The following MKLN1 variants were observed in gnomAD, a reference collection of about 807,000 sequenced individuals.
MKLN1 encodes the protein muskelin.
A neutral mutation model predicts 99.0 loss-of-function variants in MKLN1; 18 were observed. That is an observed-to-expected ratio of 0.18 (90% CI 0.13 to 0.27). MKLN1 has a LOEUF of 0.27. MKLN1 is among the 10% of genes least tolerant of loss of function. The pLI, the probability that MKLN1 is intolerant of heterozygous loss-of-function variation, is 1.00. For synonymous variants in MKLN1, 288 were observed against 293.2 expected, an observed-to-expected ratio of 0.98 and a Z score of 0.18; for missense variants, 621 against 875.9, an observed-to-expected ratio of 0.71 and a Z score of 3.67.
chr7:131,461,402 A>AT (rs1796511481), intron 12 of MKLN1, among the ~76,000 whole-genome samples: 1 of 151,972 alleles, frequency 6.6e-6, no homozygotes, highest in African/African-American at 2.4e-5. Flanking sequence ...TCAGGTTGAT[A>AT]TATGTGTGTG....
intron 1 of MKLN1, 48 bp downstream of exon 1, chr7:131,328,045 C>G: frequency 6.3e-7 from 1 of 1,592,748 alleles, no homozygotes; most frequent in Non-Finnish European, 8.5e-7. Flanking sequence ...TCCGCGTCAG[C>G]ACGGTTGGGC....
At chr7:131,404,925 A>AAAACAAACAAAC (rs58745921) in intron 6 of MKLN1, among the ~76,000 whole-genome samples, 10,640 of 150,950 alleles carry the variant, frequency 0.07, 399 homozygotes, top group African/African-American at 0.11. Context: ...ATACTTGGTT[A>AAAACAAACAAAC]AAACAAACAA....
intron 3 of MKLN1, among the ~76,000 whole-genome samples, chr7:131,220,624 A>G (rs995970741): frequency 1.3e-5 from 2 of 152,112 alleles, no homozygotes; most frequent in African/African-American, 2.4e-5. Context: ...TTGGTAGAAG[A>G]GTGTAGCGTG....
At chr7:131,239,918 A>G (rs1797376091) in intron 3 of MKLN1, among the ~76,000 whole-genome samples, 1 of 152,206 alleles carries the variant, frequency 6.6e-6, no homozygotes, top group Non-Finnish European at 1.5e-5. Flanking sequence ...TTGGTGGCTC[A>G]CGCCTATAAT....
intron 3 of MKLN1, among the ~76,000 whole-genome samples, chr7:131,214,223 A>T (rs1173953690): frequency 6.6e-6 from 1 of 152,130 alleles, no homozygotes; most frequent in Non-Finnish European, 1.5e-5. Flanking sequence ...ATTTTCAAGT[A>T]TTCATGGGTC....
chr7:131,195,757 C>T (rs965005604), intron 2 of MKLN1, among the ~76,000 whole-genome samples: 4 of 152,044 alleles, frequency 2.6e-5, no homozygotes, highest in African/African-American at 9.7e-5. Context: ...TTGAAACCAG[C>T]CTGGCCAACG....
chr7:131,338,649 T>C (rs959727885), intron 1 of MKLN1, among the ~76,000 whole-genome samples: 5 of 152,136 alleles, frequency 3.3e-5, no homozygotes, highest in African/African-American at 9.7e-5. Context: ...TGGAATAGAG[T>C]GTTATATCTT....
At chr7:131,251,043 A>C (rs1797569674) in intron 3 of MKLN1, among the ~76,000 whole-genome samples, 1 of 152,034 alleles carries the variant, frequency 6.6e-6, no homozygotes, top group African/African-American at 2.4e-5. Flanking sequence ...GTTGTTATTA[A>C]GCAATTTGAA....
chr7:131,457,726 A>C (rs1796390970), intron 12 of MKLN1, among the ~76,000 whole-genome samples: 1 of 152,100 alleles, frequency 6.6e-6, no homozygotes, highest in Admixed American at 6.6e-5. Flanking sequence ...GACCAGCCTG[A>C]CCAACATATT....
chr7:131,132,393 G>T (rs1795564495), intron 1 of MKLN1, among the ~76,000 whole-genome samples: 1 of 152,152 alleles, frequency 6.6e-6, no homozygotes, highest in South Asian at 2.1e-4. Context: ...ACTAGGGTAT[G>T]GTTATCCAGA....
chr7:131,237,889 A>C (rs1376438901), intron 3 of MKLN1, among the ~76,000 whole-genome samples: 1 of 152,168 alleles, frequency 6.6e-6, no homozygotes, highest in Non-Finnish European at 1.5e-5. Context: ...GCTCAGATCT[A>C]TAATTTCAGC....
At chr7:131,236,527 G>A (rs1797324015) in intron 3 of MKLN1, among the ~76,000 whole-genome samples, 1 of 152,140 alleles carries the variant, frequency 6.6e-6, no homozygotes, top group African/African-American at 2.4e-5. Flanking sequence ...TGGGCATGGA[G>A]GTGCCCACCT....
intron 3 of MKLN1, among the ~76,000 whole-genome samples, chr7:131,284,053 A>G (rs1332467855): frequency 6.6e-6 from 1 of 152,180 alleles, no homozygotes; most frequent in East Asian, 1.9e-4. Context: ...TGTTATGGCC[A>G]GTTTTTTGCT....
chr7:131,211,536 G>A (rs1316799348), intron 3 of MKLN1, among the ~76,000 whole-genome samples: 1 of 151,348 alleles, frequency 6.6e-6, no homozygotes, highest in Non-Finnish European at 1.5e-5. Flanking sequence ...TTACCATGAT[G>A]CTTGGGGTTT....
At chr7:131,366,740 A>G (rs909764462) in intron 1 of MKLN1, among the ~76,000 whole-genome samples, 1 of 152,222 alleles carries the variant, frequency 6.6e-6, no homozygotes, top group Non-Finnish European at 1.5e-5. Context: ...TGAACCTGGG[A>G]GGTGGATGTT....
chr7:131,127,799 A>G (rs1795486914), intron 1 of MKLN1, among the ~76,000 whole-genome samples: 1 of 152,232 alleles, frequency 6.6e-6, no homozygotes, highest in South Asian at 2.1e-4. Flanking sequence ...TTAACCACAT[A>G]GAAGTCTCCT....
intron 1 of MKLN1, among the ~76,000 whole-genome samples, chr7:131,373,532 A>G (rs1793533472): frequency 6.6e-6 from 1 of 152,104 alleles, no homozygotes; most frequent in Admixed American, 6.6e-5. Flanking sequence ...TCATTAATCT[A>G]TTTTTGATAA....
chr7:131,131,569 G>A (rs1281392076), intron 1 of MKLN1, among the ~76,000 whole-genome samples: 1 of 152,126 alleles, frequency 6.6e-6, no homozygotes, highest in East Asian at 1.9e-4. Flanking sequence ...GCAAACCAAG[G>A]CTCAGGATGG....
intron 2 of MKLN1, among the ~76,000 whole-genome samples, chr7:131,381,700 A>G (rs953997111): frequency 6.6e-6 from 1 of 152,224 alleles, no homozygotes; most frequent in Non-Finnish European, 1.5e-5. Context: ...ACACAGACAC[A>G]TAATTTACGT....
Sources: gnomAD v4.1 joint callset for allele counts (sites outside exome capture counted in the v4.1 genomes callset) on GRCh38, gnomAD v4.1.1 for gene constraint, MANE v1.5 for transcripts, NCBI Gene and HGNC (gene_info 2026-07-23, HGNC 2026-07-21) for gene names.